CNTNAP2: variants seen among roughly 807,000 people sequenced by gnomAD.
CNTNAP2 encodes the protein contactin-associated protein-like 2.
Under a neutral mutation model 155.2 loss-of-function variants are expected in CNTNAP2, and 98 were observed. That is an observed-to-expected ratio of 0.63 (90% CI 0.54 to 0.75). The LOEUF (loss-of-function observed/expected upper bound fraction) is 0.75, where lower values mean the gene tolerates loss of function less well. CNTNAP2 is among the 30% of genes least tolerant of loss of function. CNTNAP2 has a pLI of 0.00. For synonymous variants in CNTNAP2, 651 were observed against 631.2 expected (o/e 1.03, Z -0.47); for missense variants, 1,727 against 1,688.1 (o/e 1.02, Z -0.40).
At chr7:146,184,106 C>A (rs930015878) in intron 1 of CNTNAP2, among the ~76,000 whole-genome samples, 1 of 152,138 alleles carries the variant, frequency 6.6e-6, no homozygotes, top group African/African-American at 2.4e-5. Context: ...CAGAAAAGCT[C>A]CAGCTTTGCC....
In CNTNAP2 at chr7:146,606,289, A is replaced by T. The variant is rs561715446; in HGVS notation, c.98-167982A>T. Among the ~76,000 whole-genome samples the T allele has an allele frequency of 3.9e-5, 6 of 152,294 alleles. No homozygotes were observed. In the East Asian group the frequency reaches 1.2e-3, roughly 29 times the overall value. ...ATGCTTGAGCATTATAGATGTAAAA[A>T]GTGACATGAGTTCTACATGGAATAT... On this transcript the variant is annotated intron_variant, in intron 1 of 23. Transcript: ENST00000361727.
intron 13 of CNTNAP2, among the ~76,000 whole-genome samples, chr7:147,804,507 A>T (rs1423416000): frequency 6.6e-6 from 1 of 151,724 alleles, no homozygotes; most frequent in Non-Finnish European, 1.5e-5. Context: ...CCTGAGCATG[A>T]CCTTCAAGGT....
chr7:147,225,758 G>GGAAA (rs1465621018), intron 8 of CNTNAP2, among the ~76,000 whole-genome samples: 3 of 95,960 alleles, frequency 3.1e-5, no homozygotes, highest in African/African-American at 1.0e-4. Context: ...AAGGAAGGAA[G>GGAAA]GAAGGAAGGA....
intron 11 of CNTNAP2, among the ~76,000 whole-genome samples, chr7:147,538,791 A>C (rs939424130): frequency 6.6e-6 from 1 of 152,036 alleles, no homozygotes; most frequent in Admixed American, 6.6e-5. Flanking sequence ...TTTTTTCCTG[A>C]GTATTTTAAC....
rs562540350 is a variant in CNTNAP2, at chr7:146,506,116, G to A, written c.98-268155G>A. On this transcript the variant is annotated intron_variant, in intron 1 of 23. Coordinates refer to ENST00000361727, the MANE Select transcript of CNTNAP2 (RefSeq NM_014141.6). ...AACAGTCAGGGGATGACTGTATAGG[G>A]CACACAAGTGTTGCAGGGCCTGAAT... Among the ~76,000 whole-genome samples the A allele has an allele frequency of 8.5e-5, 13 of 152,266 alleles. No individual in the cohort carries two copies. In the South Asian group the frequency reaches 2.7e-3, roughly 32 times the overall value.
intron 15 of CNTNAP2, among the ~76,000 whole-genome samples, chr7:147,987,363 G>GA (rs905927544): frequency 6.6e-6 from 1 of 152,130 alleles, no homozygotes; most frequent in Admixed American, 6.5e-5. Flanking sequence ...TTACAGTTTG[G>GA]AAAAAAGTCT....
intron 8 of CNTNAP2, among the ~76,000 whole-genome samples, chr7:147,140,176 T>C (rs1196248362): frequency 1.3e-5 from 2 of 152,180 alleles, no homozygotes; most frequent in Middle Eastern, 6.8e-3. Flanking sequence ...TTCTGAAAGA[T>C]ACTGATGACC....
chr7:147,789,802 A>G (rs1458324784), intron 13 of CNTNAP2, among the ~76,000 whole-genome samples: 2 of 152,138 alleles, frequency 1.3e-5, no homozygotes, highest in Non-Finnish European at 2.9e-5. Context: ...GCCCTTGAAC[A>G]TCAGATTCCA....
At chr7:146,552,239 T>C (rs1238411212) in intron 1 of CNTNAP2, among the ~76,000 whole-genome samples, 4 of 152,160 alleles carry the variant, frequency 2.6e-5, no homozygotes, top group Non-Finnish European at 4.4e-5. Context: ...AAAAATATTA[T>C]AATAAAGTTA....
chr7:147,364,818 C>G (rs1463784933), intron 9 of CNTNAP2, among the ~76,000 whole-genome samples: 1 of 150,762 alleles, frequency 6.6e-6, no homozygotes, highest in Non-Finnish European at 1.5e-5. Context: ...CACTGCACTC[C>G]AGCCTGGGCG....
chr7:147,983,983 C>T (rs1801575764), intron 15 of CNTNAP2, among the ~76,000 whole-genome samples: 1 of 152,020 alleles, frequency 6.6e-6, no homozygotes, highest in South Asian at 2.1e-4. Context: ...TGAATTTTCC[C>T]CCACAAAAAA....
intron 1 of CNTNAP2, among the ~76,000 whole-genome samples, chr7:146,136,350 A>G (rs189783527): frequency 2.6e-4 from 39 of 152,278 alleles, no homozygotes; most frequent in African/African-American, 9.4e-4. Flanking sequence ...AGAAAAGACA[A>G]CTAAGGGTCA....
At chr7:148,339,638 G>C (rs1321974031) in intron 21 of CNTNAP2, 1 of 152,364 alleles carries the variant, frequency 6.6e-6, no homozygotes, top group Non-Finnish European at 1.5e-5. Flanking sequence ...GAAGAGGCAA[G>C]TATTGCGCGC....
intron 8 of CNTNAP2, among the ~76,000 whole-genome samples, chr7:147,141,979 A>G (rs902881870): frequency 2.0e-5 from 3 of 152,202 alleles, no homozygotes; most frequent in African/African-American, 7.2e-5. Context: ...TTGGGCTGAG[A>G]TGATGGGGTT....
chr7:146,595,296 T>A (rs897058446), intron 1 of CNTNAP2, among the ~76,000 whole-genome samples: 1 of 152,092 alleles, frequency 6.6e-6, no homozygotes, highest in Non-Finnish European at 1.5e-5. Flanking sequence ...GTTCTAACAT[T>A]GTCACATGCC....
chr7:148,076,391 C>A lies in CNTNAP2; in HGVS notation c.2384-41727C>A, dbSNP rs187088966. On this transcript the variant is annotated intron_variant, in intron 15 of 23. Transcript: ENST00000361727. ...TGTCAAGAATGCCAAAATGGAGACA[C>A]CCTGGTGTAGACCTATGATAGCTCT... 3.1e-3 allele frequency among the ~76,000 whole-genome samples: 454 copies of A among 147,214 alleles called. 6 individuals are homozygous for A. The highest frequency in any genetic ancestry group is 2.6e-3 in the Non-Finnish European group (175 of 67,154).
At chr7:146,199,747 T>C (rs2116864879) in intron 1 of CNTNAP2, among the ~76,000 whole-genome samples, 1 of 152,238 alleles carries the variant, frequency 6.6e-6, no homozygotes, top group East Asian at 1.9e-4. Flanking sequence ...AAGGAAAAAA[T>C]TGAAGATGTG....
intron 8 of CNTNAP2, among the ~76,000 whole-genome samples, chr7:147,159,311 C>A (rs183936779): frequency 6.6e-6 from 1 of 152,034 alleles, no homozygotes; most frequent in East Asian, 1.9e-4. Context: ...TTCAGAAATA[C>A]GATTATTCTG....
chr7:147,009,680 A>G (rs1182019834), intron 3 of CNTNAP2, among the ~76,000 whole-genome samples: 1 of 152,158 alleles, frequency 6.6e-6, no homozygotes, highest in Non-Finnish European at 1.5e-5. Context: ...TTAACTCAAC[A>G]TCTAGTAGAA....
Sources: allele counts gnomAD v4.1 joint callset (sites outside exome capture counted in the v4.1 genomes callset), GRCh38; gene constraint gnomAD v4.1.1; transcripts MANE v1.5; gene names NCBI Gene and HGNC (gene_info 2026-07-23, HGNC 2026-07-21).